Variants in SPG21 observed in about 807,000 individuals in gnomAD.
SPG21 encodes maspardin.
Under a neutral mutation model 38.9 loss-of-function variants are expected in SPG21, and 26 were observed. The ratio of observed to expected loss-of-function variants is 0.67; its 90% CI spans 0.49 to 0.93. The LOEUF (loss-of-function observed/expected upper bound fraction) is 0.93, where lower values mean the gene tolerates loss of function less well. SPG21 is among the 40% of genes least tolerant of loss of function. SPG21 has a pLI of 0.00. For synonymous variants in SPG21, 136 were observed against 128.9 expected (o/e 1.05, Z -0.37); for missense variants, 333 against 376.5 (o/e 0.88, Z 0.96).
At chr15:64,984,906 C>T (rs1395566819) in intron 1 of SPG21, among the ~76,000 whole-genome samples, 1 of 151,924 alleles carries the variant, frequency 6.6e-6, no homozygotes, top group African/African-American at 2.4e-5. Context: ...CCTGCCACTG[C>T]GCCCGGCTAA....
At position 64,965,448 on chromosome 15, in the gene SPG21, T is replaced by C. The variant is rs1221366625; in HGVS notation, c.682A>G (p.Ser228Gly). ...TCTTTAGCTTCAGTTGAAAGCGCACTCTGATCAAACACCTTTAAAAAACAC... is the reference window on the plus strand; with the variant it reads ...TCTTTAGCTTCAGTTGAAAGCGCACCCTGATCAAACACCTTTAAAAAACAC... ...PVTIMDVFDQ[S>G]ALSTEAKEEM... Residue 228 changes from serine (S) to glycine (G), a missense_variant, in exon 8 of 9, where the codon AGT becomes GGT. Ser to Gly is a moderately conservative substitution (Grantham distance 56). Coordinates refer to ENST00000204566, the MANE Select transcript of SPG21 (RefSeq NM_016630.7). 6.2e-7 allele frequency: 1 copy of C among 1,614,180 alleles called. No individual in the cohort carries two copies. The highest frequency in any genetic ancestry group is 2.2e-5 in the East Asian group (1 of 44,886).
At chr15:64,965,860 C>A (rs956690451) in intron 7 of SPG21, among the ~76,000 whole-genome samples, 1 of 151,974 alleles carries the variant, frequency 6.6e-6, no homozygotes, top group Non-Finnish European at 1.5e-5. Context: ...CGCCATCACG[C>A]CTGGCTAATT....
rs1416561716 is a variant in SPG21 at position 64,963,095 on chromosome 15, T to G, written c.*525A>C. 1 of 153,460 alleles carries G rather than the reference T, an allele frequency of 6.5e-6. No homozygotes were observed. The highest frequency in any genetic ancestry group is 1.5e-5 in the Non-Finnish European group (1 of 68,692). 9.5% of individuals were successfully genotyped at this position (153,460 alleles called of 1,614,324 possible). ...GTAGCTAACACTCAAAACAATTTGT[T>G]TAAGTGTAAATTAAAAGCAGTTGAT... is the stretch of plus-strand genomic sequence containing the variant. On this transcript the variant is annotated 3_prime_UTR_variant, in exon 9 of 9. Coordinates refer to ENST00000204566, the MANE Select transcript of SPG21 (RefSeq NM_016630.7).
intron 1 of SPG21, 38 bp from the exon 2 acceptor site, chr15:64,983,631 C>A: frequency 8.1e-7 from 1 of 1,233,876 alleles, no homozygotes; most frequent in South Asian, 1.3e-5. Context: ...GTCAAGAATT[C>A]ATGTTTACAT....
At chr15:64,973,042 C>T (rs1283369089) in intron 5 of SPG21, among the ~76,000 whole-genome samples, 5 of 152,160 alleles carry the variant, frequency 3.3e-5, no homozygotes, top group Admixed American at 6.5e-5. Context: ...TGGCTCACTG[C>T]AGCCTTGAAC....
At chr15:64,984,229 C>T (rs2085942833) in intron 1 of SPG21, among the ~76,000 whole-genome samples, 1 of 152,204 alleles carries the variant, frequency 6.6e-6, no homozygotes, top group Non-Finnish European at 1.5e-5. Context: ...CACCATACTT[C>T]CTGTCTTAGT....
At chr15:64,983,725 T>C (rs2085930733) in intron 1 of SPG21, 132 bp from the exon 2 acceptor site, 1 of 629,150 alleles carries the variant, frequency 1.6e-6, no homozygotes, top group Non-Finnish European at 2.9e-6. Context: ...TTTGTCAGTA[T>C]ATAGTCCAAC....
intron 7 of SPG21, among the ~76,000 whole-genome samples, chr15:64,968,222 C>G (rs898644473): frequency 6.6e-6 from 1 of 151,374 alleles, no homozygotes; most frequent in African/African-American, 2.4e-5. Flanking sequence ...AGCCTGTGGT[C>G]CAAGCTACTA....
At chr15:64,975,868 T>A (rs2085762887) in intron 4 of SPG21, among the ~76,000 whole-genome samples, 1 of 152,130 alleles carries the variant, frequency 6.6e-6, no homozygotes, top group African/African-American at 2.4e-5. Context: ...AAAGACCACA[T>A]ATGATACGAT....
intron 7 of SPG21, 121 bp from the exon 8 acceptor site, chr15:64,965,581 G>A: frequency 6.9e-7 from 1 of 1,448,788 alleles, no homozygotes; most frequent in South Asian, 1.2e-5. Context: ...GTTACCCTAA[G>A]TATTCCTTTC....
chr15:64,979,267 A>T (rs988710741), intron 3 of SPG21, among the ~76,000 whole-genome samples: 47 of 152,000 alleles, frequency 3.1e-4, no homozygotes, highest in Admixed American at 3.0e-3. Flanking sequence ...GCTGGACAGC[A>T]CTCCCGAGTG....
At chr15:64,965,260 T>A in intron 8 of SPG21, 60 bp downstream of exon 8, 1 of 1,607,822 alleles carries the variant, frequency 6.2e-7, no homozygotes, top group African/African-American at 1.3e-5. Flanking sequence ...TTAAAAGAAG[T>A]CTTTATGTTG....
intron 1 of SPG21, among the ~76,000 whole-genome samples, chr15:64,985,744 C>G (rs2085979604): frequency 3.9e-5 from 6 of 152,178 alleles, no homozygotes; most frequent in Admixed American, 2.6e-4. Context: ...CTCAATGGAA[C>G]TCTTCCTTGG....
At chr15:64,971,513 T>C (rs1193199103) in intron 5 of SPG21, among the ~76,000 whole-genome samples, 1 of 149,526 alleles carries the variant, frequency 6.7e-6, no homozygotes, top group African/African-American at 2.5e-5. Flanking sequence ...CACTCCAGCC[T>C]GGGCGACAGA....
At chr15:64,976,366 G>A (rs552555891) in intron 4 of SPG21, 109 bp downstream of exon 4, 14 of 714,434 alleles carry the variant, frequency 2.0e-5, no homozygotes, top group African/African-American at 3.6e-5. Context: ...TGGAGGTTGC[G>A]GTGAGCCGAG....
rs77851884 is a variant in SPG21 at position 64,984,308 on chromosome 15, G to T, written c.-24-715C>A. On this transcript the variant is annotated intron_variant, in intron 1 of 8. Coordinates refer to ENST00000204566, the MANE Select transcript of SPG21 (RefSeq NM_016630.7). ...GAATCCCTTTAATAAAGATGCTCCT[G>T]TCTGATTATAGGGATAGTCCACGCT... Among the ~76,000 whole-genome samples the T allele has an allele frequency of 5.3e-4, 81 of 152,262 alleles. No individual in the cohort carries two copies. In the East Asian group the frequency reaches 0.014, roughly 26 times the overall value.
chr15:64,969,259 A>C lies in SPG21; in HGVS notation c.665T>G (p.Met222Arg), dbSNP rs574862715. 14 of 1,600,540 alleles carry C rather than the reference A, an allele frequency of 8.7e-6. No individual in the cohort carries two copies. Among genetic ancestry groups the C allele is most frequent in the Non-Finnish European group, 1.2e-5 (14 of 1,167,734 alleles). The change falls in exon 7 of 9, where the codon ATG becomes AGG. Residue 222 changes from methionine (M) to arginine (R), a missense_variant. Transcript: ENST00000204566. ...TTTACTTAAAAGGAAGCTTACATCC[A>C]TAATAGTTACAGGTATGTCCCGAAT... The part of the protein sequence containing the change: ...HKIRDIPVTI[M>R]DVFDQSALST...
rs757466821 is a variant in SPG21, at chr15:64,974,670, G to A, written c.384C>T (p.Val128=). The A allele has an allele frequency of 1.9e-6, 3 of 1,614,162 alleles. No individual in the cohort carries two copies. The South Asian group carries it at 3.3e-5, about 18-fold the overall frequency. The change falls in exon 5 of 9, where the codon GTC becomes GTT. Residue 128 remains valine, a synonymous_variant. Coordinates refer to ENST00000204566, the MANE Select transcript of SPG21 (RefSeq NM_016630.7). The part of the protein sequence containing the change: ...FAEYTHKSPR[V]HSLILCNSFS... ...AGGAATTGCAGAGGATTAGGGAATGGACTCTAGGAGATTTGTGAGTGTATT... is the reference window on the plus strand; with the variant it reads ...AGGAATTGCAGAGGATTAGGGAATGAACTCTAGGAGATTTGTGAGTGTATT...
chr15:64,969,313 C>G lies in SPG21; in HGVS notation c.611G>C (p.Cys204Ser), dbSNP rs560536229. The change falls in exon 7 of 9, where the codon TGT becomes TCT. Residue 204 changes from cysteine (C) to serine (S), a missense_variant. Cys to Ser is a moderately radical substitution (Grantham distance 112). Coordinates refer to ENST00000204566, the MANE Select transcript of SPG21 (RefSeq NM_016630.7). ...SELASRLTLN[C>S]QNSYVEPHKI... ...ATGAGGTTCCACATAAGAATTTTGACAATTCAAGGTAAGTCTTGAAGCCAG... is the reference window on the plus strand; with the variant it reads ...ATGAGGTTCCACATAAGAATTTTGAGAATTCAAGGTAAGTCTTGAAGCCAG... The G allele has an allele frequency of 1.3e-5, 21 of 1,614,000 alleles. No individual in the cohort carries two copies. The highest frequency in any genetic ancestry group is 6.7e-5 in the Admixed American group (4 of 59,998).
Sources: gnomAD v4.1 joint callset for allele counts (sites outside exome capture counted in the v4.1 genomes callset) on GRCh38, gnomAD v4.1.1 for gene constraint, MANE v1.5 for transcripts, NCBI Gene and HGNC (gene_info 2026-07-23, HGNC 2026-07-21) for gene names.